FGF14: variants seen among roughly 807,000 people sequenced by gnomAD.
FGF14 encodes fibroblast growth factor homologous factor 4.
A neutral mutation model predicts 25.5 loss-of-function variants in FGF14; 5 were observed. The ratio of observed to expected loss-of-function variants is 0.20; its 90% CI spans 0.10 to 0.41. The LOEUF is 0.41. Among genes scored for constraint, FGF14 ranks in the 10% least tolerant of loss-of-function variants. FGF14 has a pLI of 1.00. For missense variants in FGF14, 222 were observed against 320.1 expected, an observed-to-expected ratio of 0.69 and a Z score of 2.34; for synonymous variants, 138 against 118.3, an observed-to-expected ratio of 1.17 and a Z score of -1.08.
At chr13:102,238,309 T>C (rs1387404872) in intron 1 of FGF14, among the ~76,000 whole-genome samples, 1 of 152,226 alleles carries the variant, frequency 6.6e-6, no homozygotes, top group Non-Finnish European at 1.5e-5. Context: ...TTTCCAGAGA[T>C]GATTTAAAAT....
At chr13:101,844,841 G>A (rs2043366613) in intron 3 of FGF14, among the ~76,000 whole-genome samples, 1 of 152,004 alleles carries the variant, frequency 6.6e-6, no homozygotes, top group Admixed American at 6.6e-5. Context: ...GGAGCAAAGA[G>A]TTATGGTGCA....
intron 1 of FGF14, among the ~76,000 whole-genome samples, chr13:102,023,576 C>T (rs2040779131): frequency 6.6e-6 from 1 of 152,040 alleles, no homozygotes; most frequent in East Asian, 1.9e-4. Context: ...AGAAACTACA[C>T]ACTCATTATC....
At chr13:102,106,579 AGAGG>A (rs57979180) in intron 1 of FGF14, among the ~76,000 whole-genome samples, 61,788 of 127,152 alleles carry the variant, frequency 0.49, 15,722 homozygotes, top group Non-Finnish European at 0.51. Context: ...CTGTCGAAAA[AGAGG>A]GAGGGAGGGA....
chr13:101,782,089 C>G (rs2039529225), intron 3 of FGF14, among the ~76,000 whole-genome samples: 1 of 152,112 alleles, frequency 6.6e-6, no homozygotes, highest in Non-Finnish European at 1.5e-5. Context: ...CCAGTCCTGT[C>G]TCCTAATGTC....
rs887899818 is a variant in FGF14, at chr13:101,714,400, T to G, written c.*8431A>C. ...TCTATTCGAGATGGAAACCTTTAGTTATAAGGTGATGGTGAGTAATAGCCT... is the reference window on the plus strand; with the variant it reads ...TCTATTCGAGATGGAAACCTTTAGTGATAAGGTGATGGTGAGTAATAGCCT... On this transcript the variant is annotated 3_prime_UTR_variant, in exon 5 of 5. Transcript: ENST00000376143. 7 of 1,136,832 alleles carry G rather than the reference T, an allele frequency of 6.2e-6. No individual in the cohort carries two copies. The African/African-American group carries it at 1.1e-4, about 17-fold the overall frequency. The allele number at this position is 1,136,832 out of a possible 1,614,324, so 70.4% of individuals were successfully genotyped here.
chr13:101,867,097 TG>T (rs2044749730), intron 3 of FGF14, among the ~76,000 whole-genome samples: 1 of 152,270 alleles, frequency 6.6e-6, no homozygotes, highest in East Asian at 1.9e-4. Flanking sequence ...CAAATGCTAT[TG>T]CACGCAGTGA....
chr13:101,805,370 T>C (rs553543914), intron 3 of FGF14, among the ~76,000 whole-genome samples: 1 of 152,316 alleles, frequency 6.6e-6, no homozygotes, highest in African/African-American at 2.4e-5. Flanking sequence ...TTTGTATTTT[T>C]AAAATATAAG....
chr13:101,898,943 A>C (rs1370946708), intron 1 of FGF14, among the ~76,000 whole-genome samples: 1 of 152,224 alleles, frequency 6.6e-6, no homozygotes, highest in Non-Finnish European at 1.5e-5. Context: ...TCAAAAGTGG[A>C]GGAAGGCAAA....
intron 1 of FGF14, among the ~76,000 whole-genome samples, chr13:101,990,515 A>G (rs1325294393): frequency 6.6e-6 from 1 of 152,150 alleles, no homozygotes; most frequent in African/African-American, 2.4e-5. Context: ...TTACATATTA[A>G]CAGTTGTACT....
intron 1 of FGF14, among the ~76,000 whole-genome samples, chr13:102,337,901 C>T (rs1326916449): frequency 6.6e-6 from 1 of 152,054 alleles, no homozygotes; most frequent in Non-Finnish European, 1.5e-5. Context: ...AGACAAAATG[C>T]TTTTGCGCAT....
At chr13:102,131,795 A>C (rs116036305) in intron 1 of FGF14, among the ~76,000 whole-genome samples, 1 of 152,176 alleles carries the variant, frequency 6.6e-6, no homozygotes, top group African/African-American at 2.4e-5. Context: ...TTAGGATTTA[A>C]GGCAGAACCT....
At position 102,257,755 on chromosome 13, in the gene FGF14, C is replaced by T. The variant is rs1027694324; in HGVS notation, c.208+143716G>A. ...CCACTAAGCCACAAGGAAAAGGGAG[C>T]GCTTCATGCAAGAACCCAAGCATTT... On this transcript the variant is annotated intron_variant, in intron 1 of 4. Coordinates refer to the FGF14 transcript ENST00000376131. 4.6e-5 allele frequency among the ~76,000 whole-genome samples: 7 copies of T among 152,234 alleles called. 1 individual carries two copies. The highest frequency in any genetic ancestry group is 3.9e-4 in the Admixed American group (6 of 15,290).
At chr13:102,329,329 T>C (rs1271652078) in intron 1 of FGF14, among the ~76,000 whole-genome samples, 5 of 152,176 alleles carry the variant, frequency 3.3e-5, no homozygotes, top group African/African-American at 1.2e-4. Flanking sequence ...CTGCTTTTTT[T>C]CCACATGACC....
chr13:102,285,486 AG>A (rs1052677458), intron 1 of FGF14, among the ~76,000 whole-genome samples: 8 of 152,224 alleles, frequency 5.3e-5, no homozygotes, highest in African/African-American at 1.9e-4. Context: ...ATAACCTGGA[AG>A]GTTACACTAA....
chr13:102,124,955 A>T (rs1388855275), intron 1 of FGF14, among the ~76,000 whole-genome samples: 1 of 152,152 alleles, frequency 6.6e-6, no homozygotes, highest in Non-Finnish European at 1.5e-5. Context: ...TCTAGTATTC[A>T]GAACATACCT....
chr13:102,127,826 A>AT (rs1284086932), intron 1 of FGF14, among the ~76,000 whole-genome samples: 1 of 152,198 alleles, frequency 6.6e-6, no homozygotes, highest in Non-Finnish European at 1.5e-5. Context: ...AGTGCTACAT[A>AT]TTTTTTAACA....
rs115153438 is a variant in FGF14 at position 101,828,113 on chromosome 13, C to T, written c.408+40612G>A. 3.4e-3 allele frequency among the ~76,000 whole-genome samples: 520 copies of T among 152,022 alleles called. 3 individuals are homozygous for T. Among genetic ancestry groups the T allele is most frequent in the African/African-American group, 0.012 (493 of 41,490 alleles). ...CATATATATCTTAAATATGCATACA[C>T]ACACACATATATCACATACAGATAT... is the stretch of plus-strand genomic sequence containing the variant. On this transcript the variant is annotated intron_variant, in intron 3 of 4. Transcript: ENST00000376143.
intron 3 of FGF14, among the ~76,000 whole-genome samples, chr13:101,789,039 G>A (rs1290591679): frequency 1.3e-5 from 2 of 149,996 alleles, no homozygotes; most frequent in South Asian, 2.1e-4. Flanking sequence ...TCAACAGAAC[G>A]ACCCATGATT....
intron 1 of FGF14, among the ~76,000 whole-genome samples, chr13:102,370,755 A>G (rs2057856128): frequency 3.3e-5 from 5 of 152,204 alleles, no homozygotes. Flanking sequence ...GTACAGACAC[A>G]CAAATGCACC....
Sources: gnomAD v4.1 joint callset for allele counts (sites outside exome capture counted in the v4.1 genomes callset) on GRCh38, gnomAD v4.1.1 for gene constraint, MANE v1.5 for transcripts, NCBI Gene and HGNC (gene_info 2026-07-23, HGNC 2026-07-21) for gene names.